The following PPP1R12A variants were observed in gnomAD, a reference collection of about 807,000 sequenced individuals.
PPP1R12A encodes myosin binding subunit.
In PPP1R12A, 19 loss-of-function variants were observed where a neutral mutation model predicts 139.6. The ratio of observed to expected loss-of-function variants is 0.14; its 90% confidence interval spans 0.09 to 0.20. The LOEUF is 0.20. Among genes scored for constraint, PPP1R12A ranks in the 10% least tolerant of loss-of-function variants. PPP1R12A has a pLI of 1.00. For synonymous variants in PPP1R12A, 427 were observed against 420.6 expected (o/e 1.02, Z -0.19); for missense variants, 925 against 1,211.5 (o/e 0.76, Z 3.51).
At chr12:79,877,663 G>C (rs954549897) in intron 1 of PPP1R12A, among the ~76,000 whole-genome samples, 3 of 152,094 alleles carry the variant, frequency 2.0e-5, no homozygotes, top group Admixed American at 2.0e-4. Context: ...CTACAGGTGT[G>C]TGCCACCATG....
At position 79,801,456 on chromosome 12, in the gene PPP1R12A, T is replaced by C. The variant is rs139892816; in HGVS notation, c.2001-2872A>G. On this transcript the variant is annotated intron_variant, in intron 14 of 24. Transcript: ENST00000450142. Reference sequence around the variant, plus strand: ...CATTTTTTTAGCCTAACACTATTCATACAATCATAACAAACCTCTGAATTT... The same window carrying C: ...CATTTTTTTAGCCTAACACTATTCACACAATCATAACAAACCTCTGAATTT... Among the ~76,000 whole-genome samples, 15 of 146,046 alleles carry C rather than the reference T, an allele frequency of 1.0e-4. No individual in the cohort carries two copies. The East Asian group carries it at 1.9e-3, about 18-fold the overall frequency.
chr12:79,795,653 T>G lies in PPP1R12A; in HGVS notation c.2568A>C (p.Ser856=). 5.6e-6 allele frequency: 9 copies of G among 1,611,304 alleles called. No individual in the cohort carries two copies. Among genetic ancestry groups the G allele is most frequent in the Non-Finnish European group, 7.6e-6 (9 of 1,179,130 alleles). The change falls in exon 18 of 25, where the codon TCA becomes TCC. Residue 856 remains serine (S), a synonymous_variant. Transcript: ENST00000450142. ...AGGTTCTCACATCTTGTGTCCAAAA[T>G]GAAACTCCTGTAGATCTTCTTTTCT... ...PREKRRSTGV[S]FWTQDSDENE... is the part of the protein sequence containing the mutation.
rs150343086 is a variant in PPP1R12A at position 79,890,951 on chromosome 12, A to ACT, written c.238-18015_238-18014dup. ...CACACACACACACACACATTCACTC[A>ACT]CTCTCTCTCTCTCTTTCTCTCTCTC... On this transcript the variant is annotated intron_variant, in intron 1 of 24. Coordinates refer to ENST00000450142, the MANE Select transcript of PPP1R12A (RefSeq NM_002480.3). Among the ~76,000 whole-genome samples, 7 of 122,528 alleles carry ACT rather than the reference A, an allele frequency of 5.7e-5. No homozygotes were observed. In the East Asian group the frequency reaches 8.6e-4, roughly 15 times the overall value. The allele number at this position is 122,528 out of a possible 152,430, so 80.4% of individuals were successfully genotyped here.
At chr12:79,916,368 T>C (rs1243617947) in intron 1 of PPP1R12A, among the ~76,000 whole-genome samples, 1 of 20,400 alleles carries the variant, frequency 4.9e-5, no homozygotes, top group Admixed American at 7.3e-4. Flanking sequence ...CTTGGGGCTG[T>C]TTTTTCAATT....
chr12:79,817,288 A>G lies in PPP1R12A; in HGVS notation c.1239+106T>C, dbSNP rs943697135. The stretch of plus-strand genomic sequence containing the variant: ...ACATATTTATATTCTGAAATCTTAC[A>G]TATTTTTGGAACAGACTATAAAAAT... On this transcript the variant is annotated intron_variant, in intron 9 of 24. Coordinates refer to ENST00000450142, the MANE Select transcript of PPP1R12A (RefSeq NM_002480.3). The G allele has an allele frequency of 2.1e-4, 205 of 991,000 alleles. 3 individuals carry two copies. Among genetic ancestry groups the G allele is most frequent in the Non-Finnish European group, 3.7e-5 (26 of 696,564 alleles). The allele number at this position is 991,000 out of a possible 1,614,324, so 61.4% of individuals were successfully genotyped here.
At chr12:79,851,278 G>A (rs1191513950) in intron 2 of PPP1R12A, among the ~76,000 whole-genome samples, 1 of 152,150 alleles carries the variant, frequency 6.6e-6, no homozygotes, top group East Asian at 1.9e-4. Flanking sequence ...GCAACAAAAT[G>A]CAAAATAGTA....
intron 14 of PPP1R12A, among the ~76,000 whole-genome samples, chr12:79,800,960 T>C (rs1873057822): frequency 6.6e-6 from 1 of 151,580 alleles, no homozygotes; most frequent in African/African-American, 2.4e-5. Context: ...GTCTTGATCT[T>C]CTGACCTCGT....
chr12:79,821,107 G>A lies in PPP1R12A; in HGVS notation c.927C>T (p.Asp309=). ...SPLIESTANM[D]NNQSQKTFKN... ...TAAAGGTCTTCTGTGACTGATTATT[G>A]TCCATATTTGCTGTTGATTCAATTA... The change falls in exon 7 of 25, where the codon GAC becomes GAT. Residue 309 remains aspartate, a synonymous_variant. Transcript: ENST00000450142. The A allele has an allele frequency of 6.2e-7, 1 of 1,612,678 alleles. No individual in the cohort carries two copies. Among genetic ancestry groups the A allele is most frequent in the African/African-American group, 1.3e-5 (1 of 74,990 alleles).
chr12:79,931,802 G>A (rs1369655109), intron 1 of PPP1R12A, among the ~76,000 whole-genome samples: 1 of 152,086 alleles, frequency 6.6e-6, no homozygotes, highest in East Asian at 1.9e-4. Context: ...GGGTAGAGTG[G>A]GTGGGGGAGA....
chr12:79,782,458 A>G, intron 22 of PPP1R12A: 1 of 384,526 alleles, frequency 2.6e-6, no homozygotes, highest in South Asian at 1.9e-5. Context: ...TGGTGAGCTC[A>G]GGCCTTTCAT....
chr12:79,829,451 G>A (rs987322584), intron 4 of PPP1R12A, among the ~76,000 whole-genome samples: 1 of 151,932 alleles, frequency 6.6e-6, no homozygotes, highest in Non-Finnish European at 1.5e-5. Context: ...TCCTGCCTCC[G>A]TAACGGAACC....
chr12:79,847,121 A>G (rs531726690), intron 2 of PPP1R12A, among the ~76,000 whole-genome samples: 31 of 152,314 alleles, frequency 2.0e-4, no homozygotes, highest in African/African-American at 6.7e-4. Context: ...GATAAACACT[A>G]TCAACAGTAG....
chr12:79,821,972 A>G (rs1231245925), intron 6 of PPP1R12A, 144 bp downstream of exon 6: 5 of 555,402 alleles, frequency 9.0e-6, no homozygotes, highest in African/African-American at 5.7e-5. Context: ...ACCATCCTTT[A>G]TTCTCTTTCA....
At position 79,788,589 on chromosome 12, in the gene PPP1R12A, ATGAG is replaced by A. The variant is rs1871400449; in HGVS notation, c.2802+55_2802+58del. The A allele has an allele frequency of 2.8e-6, 4 of 1,414,416 alleles. No homozygotes were observed. The South Asian group carries it at 4.3e-5, about 15-fold the overall frequency. The allele number at this position is 1,414,416 out of a possible 1,614,324, so 87.6% of individuals were successfully genotyped here. A position where few individuals can be genotyped will look rare whatever the true frequency, so the allele number is the denominator to read the frequency against. On this transcript the variant is annotated intron_variant, in intron 21 of 24. Transcript: ENST00000450142. ...TATGAGTTTTTAAAATAATATTTGA[ATGAG>A]TATCTCAACATAAAAGATAACTTTT... is the stretch of plus-strand genomic sequence containing the variant.
At chr12:79,862,866 A>G in intron 2 of PPP1R12A, among the ~76,000 whole-genome samples, 1 of 152,230 alleles carries the variant, frequency 6.6e-6, no homozygotes. Flanking sequence ...AGTGACGGGG[A>G]GAATGGAACC....
intron 2 of PPP1R12A, among the ~76,000 whole-genome samples, chr12:79,858,211 G>T (rs1164909182): frequency 6.6e-6 from 1 of 152,086 alleles, no homozygotes; most frequent in Non-Finnish European, 1.5e-5. Flanking sequence ...ATTCTCCTCT[G>T]CTCCTCTCTT....
chr12:79,906,091 C>A (rs989230304), intron 1 of PPP1R12A, among the ~76,000 whole-genome samples: 1 of 151,686 alleles, frequency 6.6e-6, no homozygotes, highest in African/African-American at 2.4e-5. Context: ...ATATTAGCAC[C>A]AAAGCAAGCA....
intron 15 of PPP1R12A, among the ~76,000 whole-genome samples, chr12:79,797,604 A>G (rs1408085885): frequency 6.6e-6 from 1 of 152,154 alleles, no homozygotes; most frequent in African/African-American, 2.4e-5. Flanking sequence ...TACTCTATGC[A>G]TATAAATGTT....
Position 79,775,860 on chromosome 12 carries a change from G to T in PPP1R12A, c.*69C>A. ...TCCAAGGATTCTTCCCAGACTTCCA[G>T]TGACTGCCAATTATGGTCCACTGGG... On this transcript the variant is annotated 3_prime_UTR_variant, in exon 25 of 25. Transcript: ENST00000450142. The T allele has an allele frequency of 9.2e-7, 1 of 1,081,390 alleles. No individual in the cohort carries two copies. 67.0% of individuals were successfully genotyped at this position (1,081,390 alleles called of 1,614,324 possible).
Sources: gnomAD v4.1 joint callset for allele counts (sites outside exome capture counted in the v4.1 genomes callset) on GRCh38, gnomAD v4.1.1 for gene constraint, MANE v1.5 for transcripts, NCBI Gene and HGNC (gene_info 2026-07-23, HGNC 2026-07-21) for gene names.